DDX50: variants seen among roughly 807,000 people sequenced by gnomAD.
The protein encoded by DDX50 is ATP-dependent RNA helicase DDX50.
In DDX50, 56 loss-of-function variants were observed where a neutral mutation model predicts 94.8. The observed-to-expected ratio is 0.59, with a 90% CI of 0.48 to 0.74. The LOEUF is 0.74. Among genes scored for constraint, DDX50 ranks in the 30% least tolerant of loss-of-function variants. DDX50 has a pLI of 0.00. For missense variants in DDX50, 713 were observed against 881.2 expected (o/e 0.81, Z 2.42); for synonymous variants, 264 against 295.4 (o/e 0.89, Z 1.09).
chr10:68,909,311 G>C (rs962938256), intron 2 of DDX50, among the ~76,000 whole-genome samples: 1 of 152,088 alleles, frequency 6.6e-6, no homozygotes, highest in Non-Finnish European at 1.5e-5. Flanking sequence ...CACTGTTTTT[G>C]TTCTATGTGC....
chr10:68,925,976 T>C (rs941010059), intron 8 of DDX50, among the ~76,000 whole-genome samples: 31 of 145,156 alleles, frequency 2.1e-4, no homozygotes, highest in Admixed American at 9.8e-4. Flanking sequence ...ATCGCGCCAT[T>C]GCACTCCATC....
intron 12 of DDX50, among the ~76,000 whole-genome samples, chr10:68,937,882 G>A (rs1205595120): frequency 2.0e-5 from 3 of 151,924 alleles, no homozygotes; most frequent in Admixed American, 6.6e-5. Flanking sequence ...CACCTCACCC[G>A]GCCTGTATTT....
At chr10:68,943,066 GTA>G (rs1295206363) in intron 13 of DDX50, 145 bp from the exon 14 acceptor site, 7 of 686,704 alleles carry the variant, frequency 1.0e-5, no homozygotes, top group African/African-American at 1.8e-5. Flanking sequence ...AGCAGTAGTT[GTA>G]AATTCTTATT....
chr10:68,943,855 G>A lies in DDX50; in HGVS notation c.1935+598G>A, dbSNP rs150700777. ...ACCTTCCAAAGTGTTGGGAATATTGGTGTGAGCCACCATACCCAGTAAAAA... is the reference window on the plus strand; with the variant it reads ...ACCTTCCAAAGTGTTGGGAATATTGATGTGAGCCACCATACCCAGTAAAAA... On this transcript the variant is annotated intron_variant, in intron 14 of 14. Coordinates refer to ENST00000373585, the MANE Select transcript of DDX50 (RefSeq NM_024045.2). Among the ~76,000 whole-genome samples the A allele has an allele frequency of 3.9e-5, 6 of 152,250 alleles. No homozygotes were observed. The East Asian group carries it at 9.6e-4, about 24-fold the overall frequency.
At chr10:68,942,621 C>T (rs1340263138) in intron 13 of DDX50, among the ~76,000 whole-genome samples, 2 of 148,766 alleles carry the variant, frequency 1.3e-5, no homozygotes, top group Non-Finnish European at 3.0e-5. Flanking sequence ...CAGCTTTTTT[C>T]TTTTTTTTTT....
chr10:68,916,353 CAA>C (rs11420993), intron 7 of DDX50, among the ~76,000 whole-genome samples: 2 of 123,496 alleles, frequency 1.6e-5, no homozygotes, highest in Admixed American at 8.8e-5. Flanking sequence ...GACTCTGTCT[CAA>C]AAAAAAAAAA....
Position 68,941,081 on chromosome 10 carries a change from G to A in DDX50, c.1777G>A (p.Glu593Lys). Residue 593 changes from glutamate (E) to lysine (K), a missense_variant, in exon 13 of 15, where the codon GAA becomes AAA. Glu to Lys is a moderately conservative substitution (Grantham distance 56, BLOSUM62 1). Around this residue, in one of 2 missense-constraint regions of DDX50, gnomAD observed 428 missense variants for 602.3 expected, o/e 0.71. Coordinates refer to ENST00000373585, the MANE Select transcript of DDX50 (RefSeq NM_024045.2). ...SDKGFVTMTL[E>K]SLEEIQDVSC... ...TAAGGGGTTTGTGACCATGACTCTG[G>A]AAAGCCTAGAGGAAATACAGGATGT... 1 of 1,610,228 alleles carries A rather than the reference G, an allele frequency of 6.2e-7. No individual in the cohort carries two copies. The highest frequency in any genetic ancestry group is 1.3e-5 in the African/African-American group (1 of 74,886).
chr10:68,933,412 CA>C (rs1374946114), intron 8 of DDX50, among the ~76,000 whole-genome samples: 1 of 151,776 alleles, frequency 6.6e-6, no homozygotes, highest in Non-Finnish European at 1.5e-5. Context: ...GAATACAGCC[CA>C]AAAGTTCATC....
chr10:68,937,584 G>GTTT lies in DDX50; in HGVS notation c.1755+506_1755+508dup, dbSNP rs11429851. 2.4e-4 allele frequency among the ~76,000 whole-genome samples: 29 copies of GTTT among 120,772 alleles called. 1 individual carries two copies. The highest frequency in any genetic ancestry group is 3.2e-4 in the African/African-American group (10 of 31,476). The allele number at this position is 120,772 out of a possible 152,430, so 79.2% of individuals were successfully genotyped here. A position where few individuals can be genotyped will look rare whatever the true frequency, so the allele number is the denominator to read the frequency against. Reference sequence around the variant, plus strand: ...TCCTTCTTGCTTTATAACTTTATAAGTTTTTTTTTTTTTTTTTTTGAGATT... The same window carrying GTTT: ...TCCTTCTTGCTTTATAACTTTATAAGTTTTTTTTTTTTTTTTTTTTTTGAGATT... On this transcript the variant is annotated intron_variant, in intron 12 of 14. Transcript: ENST00000373585.
At chr10:68,938,162 T>C (rs1842469874) in intron 12 of DDX50, among the ~76,000 whole-genome samples, 1 of 152,034 alleles carries the variant, frequency 6.6e-6, no homozygotes, top group African/African-American at 2.4e-5. Context: ...AACTGAAACT[T>C]GTATCCCAGA....
intron 1 of DDX50, among the ~76,000 whole-genome samples, chr10:68,902,803 C>T (rs1266635213): frequency 1.3e-5 from 2 of 152,214 alleles, no homozygotes; most frequent in African/African-American, 4.8e-5. Context: ...TTATGTCTTT[C>T]CTGACAACCC....
At chr10:68,913,014 C>G in intron 4 of DDX50, 148 bp from the exon 5 acceptor site, 1 of 641,844 alleles carries the variant, frequency 1.6e-6, no homozygotes, top group Non-Finnish European at 2.7e-6. Flanking sequence ...TGCTGCTGTT[C>G]CTTTTGCTAT....
chr10:68,901,341 T>C lies in DDX50; in HGVS notation c.-44T>C. 3.4e-6 allele frequency: 5 copies of C among 1,485,398 alleles called. No individual in the cohort carries two copies. The highest frequency in any genetic ancestry group is 4.5e-6 in the Non-Finnish European group (5 of 1,108,312). 92.0% of individuals were successfully genotyped at this position (1,485,398 alleles called of 1,614,324 possible). ...CTTTCACGCTGTCGCTGCCCGTAGG[T>C]GGTTGTGGCCACTGTGCCCGGAGGG... On this transcript the variant is annotated 5_prime_UTR_variant, in exon 1 of 15. Transcript: ENST00000373585.
rs187306208 is a variant in DDX50 at position 68,934,711 on chromosome 10, A to G, written c.1402-88A>G. Reference sequence around the variant, plus strand: ...GAAAAGGGCAACAGGATTGAAATAAATATATTATTATTAACATTATTATTT... The same window carrying G: ...GAAAAGGGCAACAGGATTGAAATAAGTATATTATTATTAACATTATTATTT... On this transcript the variant is annotated intron_variant, in intron 9 of 14. Coordinates refer to ENST00000373585, the MANE Select transcript of DDX50 (RefSeq NM_024045.2). This position sits in a 1 kb window ranked among gnomAD's most constrained non-coding sequence, Gnocchi z 4.0. 180 of 1,356,100 alleles carry G rather than the reference A, an allele frequency of 1.3e-4. 1 individual carries two copies. In the Middle Eastern group the frequency reaches 1.6e-3, roughly 12 times the overall value. 84.0% of individuals were successfully genotyped at this position (1,356,100 alleles called of 1,614,324 possible).
chr10:68,935,922 A>T (rs1396583686), intron 10 of DDX50, 84 bp from the exon 11 acceptor site: 20 of 895,962 alleles, frequency 2.2e-5, no homozygotes, highest in Non-Finnish European at 3.2e-5. Flanking sequence ...AAGAAATAGA[A>T]ATTCAACGAA....
chr10:68,920,344 G>A (rs1428629403), intron 8 of DDX50, among the ~76,000 whole-genome samples: 1 of 151,974 alleles, frequency 6.6e-6, no homozygotes, highest in Non-Finnish European at 1.5e-5. Context: ...TGCGTATTTT[G>A]TAGAGATAAG....
intron 8 of DDX50, among the ~76,000 whole-genome samples, chr10:68,926,666 A>C (rs1589262246): frequency 6.6e-6 from 1 of 151,870 alleles, no homozygotes; most frequent in East Asian, 1.9e-4. Flanking sequence ...GCTACTCAGG[A>C]GGTTGGGGCG....
At chr10:68,929,330 T>TC (rs1400264403) in intron 8 of DDX50, among the ~76,000 whole-genome samples, 3 of 150,204 alleles carry the variant, frequency 2.0e-5, no homozygotes, top group African/African-American at 4.9e-5. Context: ...TCTCTTTCTT[T>TC]CTTTCCTTCC....
intron 2 of DDX50, among the ~76,000 whole-genome samples, chr10:68,908,530 G>A (rs941628781): frequency 6.7e-6 from 1 of 150,368 alleles, no homozygotes; most frequent in African/African-American, 2.4e-5. Flanking sequence ...AATTTTATGT[G>A]CATAGAGTGA....
Sources: gnomAD v4.1 joint callset for allele counts (sites outside exome capture counted in the v4.1 genomes callset) on GRCh38, gnomAD v4.1.1 for gene constraint, gnomAD v4.1.1 regional missense constraint, Gnocchi (gnomAD v3.1) non-coding constraint, MANE v1.5 for transcripts, NCBI Gene and HGNC (gene_info 2026-07-23, HGNC 2026-07-21) for gene names.